The following GLDN variants were observed in gnomAD, a reference collection of about 807,000 sequenced individuals.
GLDN encodes gliomedin, also known as collomin.
A neutral mutation model predicts 56.5 loss-of-function variants in GLDN; 47 were observed. The observed-to-expected ratio is 0.83, with a 90% CI of 0.66 to 1.06. The LOEUF (loss-of-function observed/expected upper bound fraction) is 1.06. Among genes scored for constraint, GLDN ranks in the 50% least tolerant of loss-of-function variants. The pLI is 0.00. For synonymous variants in GLDN, 332 were observed against 278.8 expected, an observed-to-expected ratio of 1.19 and a Z score of -1.90; for missense variants, 782 against 714.3, an observed-to-expected ratio of 1.09 and a Z score of -1.08.
intron 2 of GLDN, among the ~76,000 whole-genome samples, chr15:51,381,342 G>A (rs1319087677): frequency 6.6e-6 from 1 of 152,036 alleles, no homozygotes; most frequent in Non-Finnish European, 1.5e-5. Flanking sequence ...CTCTGTCGTC[G>A]CGAACGATGA....
intron 1 of GLDN, among the ~76,000 whole-genome samples, chr15:51,364,231 C>T (rs1375872714): frequency 4.6e-5 from 7 of 152,200 alleles, no homozygotes; most frequent in Non-Finnish European, 2.9e-5. Context: ...GAAGTTGTCT[C>T]ATAGCTCACG....
intron 2 of GLDN, among the ~76,000 whole-genome samples, chr15:51,378,713 G>C (rs2037690672): frequency 6.6e-6 from 1 of 152,210 alleles, no homozygotes; most frequent in African/African-American, 2.4e-5. Context: ...TTTCATGCCA[G>C]CTTGAAATTG....
chr15:51,356,755 A>G (rs1423197207), intron 1 of GLDN, among the ~76,000 whole-genome samples: 1 of 152,242 alleles, frequency 6.6e-6, no homozygotes, highest in Non-Finnish European at 1.5e-5. Context: ...ACAAGTTATC[A>G]TAAGAACTCA....
chr15:51,371,533 T>A (rs1023078825), intron 1 of GLDN, among the ~76,000 whole-genome samples: 1 of 152,212 alleles, frequency 6.6e-6, no homozygotes, highest in East Asian at 1.9e-4. Flanking sequence ...GCTAATCCAA[T>A]GAGAATAGTT....
chr15:51,368,655 A>G (rs2037455035), intron 1 of GLDN, among the ~76,000 whole-genome samples: 2 of 152,022 alleles, frequency 1.3e-5, no homozygotes. Flanking sequence ...TTCATGAACT[A>G]AGAGACCTCA....
intron 8 of GLDN, 138 bp from the exon 9 acceptor site, chr15:51,401,455 A>C: frequency 2.8e-6 from 2 of 725,454 alleles, no homozygotes. Flanking sequence ...GGAGTCTTAG[A>C]CTCTTCACAC....
At chr15:51,397,119 T>C (rs2038145981) in intron 5 of GLDN, among the ~76,000 whole-genome samples, 1 of 152,026 alleles carries the variant, frequency 6.6e-6, no homozygotes, top group Admixed American at 6.5e-5. Flanking sequence ...GGAGAGGGCG[T>C]AGGAGGTTGG....
chr15:51,365,183 A>G (rs970221259), intron 1 of GLDN, among the ~76,000 whole-genome samples: 7 of 152,230 alleles, frequency 4.6e-5, no homozygotes, highest in African/African-American at 7.2e-5. Context: ...ACTGACACCA[A>G]GAAGGGGCTG....
chr15:51,410,812 A>G (rs890450593), downstream of GLDN, among the ~76,000 whole-genome samples: 4 of 152,208 alleles, frequency 2.6e-5, no homozygotes, highest in Non-Finnish European at 5.9e-5. Flanking sequence ...TTTAACTGGG[A>G]GCCTTGCATT....
intron 1 of GLDN, among the ~76,000 whole-genome samples, chr15:51,365,498 A>C (rs1038342378): frequency 1.3e-5 from 2 of 152,222 alleles, no homozygotes; most frequent in Non-Finnish European, 2.9e-5. Flanking sequence ...TTATCCTGAT[A>C]ATAACTCTGT....
intron 1 of GLDN, among the ~76,000 whole-genome samples, chr15:51,345,408 T>G (rs1374552544): frequency 2.0e-5 from 3 of 152,250 alleles, no homozygotes; most frequent in African/African-American, 7.2e-5. Flanking sequence ...TTGTTCAAAA[T>G]GTCCTTGGCA....
chr15:51,352,860 C>T (rs993880518), intron 1 of GLDN, among the ~76,000 whole-genome samples: 1 of 152,194 alleles, frequency 6.6e-6, no homozygotes, highest in African/African-American at 2.4e-5. Flanking sequence ...TATAGTTTAA[C>T]TGTTTAACAA....
chr15:51,374,111 G>A (rs2037574243), intron 1 of GLDN, among the ~76,000 whole-genome samples: 1 of 152,078 alleles, frequency 6.6e-6, no homozygotes, highest in African/African-American at 2.4e-5. Flanking sequence ...TTGACATTTA[G>A]CATACAAATG....
At chr15:51,347,621 T>C (rs927779349) in intron 1 of GLDN, among the ~76,000 whole-genome samples, 2 of 152,204 alleles carry the variant, frequency 1.3e-5, no homozygotes, top group African/African-American at 2.4e-5. Flanking sequence ...TGCATTGCTG[T>C]TCGGAGTGCG....
At chr15:51,357,734 C>G (rs576378027) in intron 1 of GLDN, among the ~76,000 whole-genome samples, 1 of 152,350 alleles carries the variant, frequency 6.6e-6, no homozygotes, top group East Asian at 1.9e-4. Context: ...CTGCAGCCGC[C>G]CATGCATGCA....
At chr15:51,411,000 T>C (rs1165966695), downstream of GLDN, among the ~76,000 whole-genome samples, 1 of 152,148 alleles carries the variant, frequency 6.6e-6, no homozygotes, top group Non-Finnish European at 1.5e-5. Flanking sequence ...CAAACTTTCA[T>C]TGGTGATCAA....
chr15:51,383,926 G>T (rs1273357453), intron 4 of GLDN, 34 bp downstream of exon 4: 1 of 1,429,342 alleles, frequency 7.0e-7, no homozygotes, highest in East Asian at 2.3e-5. Context: ...TAATTTCCCT[G>T]TTATTTATCT....
intron 1 of GLDN, among the ~76,000 whole-genome samples, chr15:51,349,737 G>A (rs921651526): frequency 1.2e-4 from 18 of 149,072 alleles, no homozygotes; most frequent in African/African-American, 4.1e-4. Flanking sequence ...ACGGCACTAG[G>A]GCTGATTTTT....
At chr15:51,391,965 G>T (rs922419597) in intron 4 of GLDN, among the ~76,000 whole-genome samples, 1 of 152,196 alleles carries the variant, frequency 6.6e-6, no homozygotes, top group South Asian at 2.1e-4. Context: ...TTATTGGTTG[G>T]TTGAAATCTA....
Sources: allele counts gnomAD v4.1 joint callset (sites outside exome capture counted in the v4.1 genomes callset), GRCh38; gene constraint gnomAD v4.1.1; transcripts MANE v1.5; gene names NCBI Gene and HGNC (gene_info 2026-07-23, HGNC 2026-07-21).